Variants in CGNL1 observed in about 807,000 individuals in gnomAD.
The protein encoded by CGNL1 is cingulin-like protein 1.
A neutral mutation model predicts 141.2 loss-of-function variants in CGNL1; 132 were observed. That is an observed-to-expected ratio of 0.93 (90% confidence interval 0.81 to 1.08). CGNL1 has a LOEUF of 1.08. Among genes scored for constraint, CGNL1 ranks in the 50% least tolerant of loss-of-function variants. The pLI is 0.00. For missense variants in CGNL1, 1,870 were observed against 1,588.6 expected, an observed-to-expected ratio of 1.18 and a Z score of -3.01; for synonymous variants, 690 against 622.1, an observed-to-expected ratio of 1.11 and a Z score of -1.63.
At chr15:57,454,342 T>C (rs1827134787) in intron 7 of CGNL1, among the ~76,000 whole-genome samples, 1 of 152,112 alleles carries the variant, frequency 6.6e-6, no homozygotes, top group African/African-American at 2.4e-5. Flanking sequence ...AAAGGTACTG[T>C]GTTAATATTT....
At chr15:57,447,913 G>T (rs1858952282) in intron 4 of CGNL1, among the ~76,000 whole-genome samples, 1 of 150,974 alleles carries the variant, frequency 6.6e-6, no homozygotes, top group Admixed American at 6.6e-5. Context: ...CATTAGTCTT[G>T]TTTTCTGGCT....
At chr15:57,440,088 A>T (rs2152308650) in intron 2 of CGNL1, among the ~76,000 whole-genome samples, 1 of 149,126 alleles carries the variant, frequency 6.7e-6, no homozygotes, top group Admixed American at 6.9e-5. Flanking sequence ...ACAATAAAAA[A>T]TAATGATATT....
chr15:57,435,967 A>G (rs1331332950), intron 1 of CGNL1, among the ~76,000 whole-genome samples: 1 of 152,202 alleles, frequency 6.6e-6, no homozygotes. Context: ...ACCACAATAC[A>G]GGTAGAGATT....
chr15:57,416,128 C>T (rs537792402), intron 1 of CGNL1, among the ~76,000 whole-genome samples: 23 of 152,042 alleles, frequency 1.5e-4, no homozygotes, highest in African/African-American at 5.5e-4. Flanking sequence ...GGTACTTCCA[C>T]ATTGCTGATC....
chr15:57,431,237 A>C (rs1382903833), intron 1 of CGNL1, among the ~76,000 whole-genome samples: 1 of 152,218 alleles, frequency 6.6e-6, no homozygotes, highest in African/African-American at 2.4e-5. Context: ...ACCATCCTGA[A>C]CTGTGTGAAA....
chr15:57,470,588 G>C (rs2063570045), intron 8 of CGNL1, among the ~76,000 whole-genome samples: 1 of 152,140 alleles, frequency 6.6e-6, no homozygotes. Flanking sequence ...ACTTGCTGTG[G>C]GTTAGGCTGT....
At chr15:57,448,652 GA>G (rs879573303) in intron 4 of CGNL1, among the ~76,000 whole-genome samples, 9 of 143,412 alleles carry the variant, frequency 6.3e-5, no homozygotes, top group South Asian at 2.2e-4. Context: ...TGTCTCAAAA[GA>G]AAAAAAAAAC....
At chr15:57,408,848 T>A (rs1175575063) in intron 1 of CGNL1, among the ~76,000 whole-genome samples, 1 of 152,124 alleles carries the variant, frequency 6.6e-6, no homozygotes, top group Admixed American at 6.5e-5. Context: ...GAGACCAGCC[T>A]GGCCAACATG....
At chr15:57,393,918 A>G (rs2062570593) in intron 1 of CGNL1, 1 of 144,224 alleles carries the variant, frequency 6.9e-6, no homozygotes, top group Admixed American at 7.3e-5. Context: ...TAAGTACTTA[A>G]CATGTATTAA....
At chr15:57,472,412 T>TAG (rs1314127146) in intron 8 of CGNL1, among the ~76,000 whole-genome samples, 1 of 152,070 alleles carries the variant, frequency 6.6e-6, no homozygotes, top group Non-Finnish European at 1.5e-5. Flanking sequence ...GACAGATTTT[T>TAG]AGAGAGAGAG....
chr15:57,382,802 C>G (rs2062438298), intron 1 of CGNL1, among the ~76,000 whole-genome samples: 1 of 152,162 alleles, frequency 6.6e-6, no homozygotes, highest in Admixed American at 6.5e-5. Context: ...GTCCCATTTT[C>G]CAAGTGAGGA....
intron 8 of CGNL1, among the ~76,000 whole-genome samples, chr15:57,462,816 T>G (rs762977764): frequency 6.6e-6 from 1 of 152,236 alleles, no homozygotes; most frequent in Non-Finnish European, 1.5e-5. Flanking sequence ...ATAGACTGTT[T>G]GGGGTTATTA....
intron 8 of CGNL1, among the ~76,000 whole-genome samples, chr15:57,504,635 T>G (rs2064075316): frequency 6.6e-6 from 1 of 152,176 alleles, no homozygotes; most frequent in South Asian, 2.1e-4. Context: ...GTTGCTTTGT[T>G]CCTGAGTCCC....
At position 57,464,442 on chromosome 15, in the gene CGNL1, G is replaced by C. The variant is rs182944812; in HGVS notation, c.2403+2550G>C. Among the ~76,000 whole-genome samples, 6 of 152,276 alleles carry C rather than the reference G, an allele frequency of 3.9e-5. No individual in the cohort carries two copies. The East Asian group carries it at 1.2e-3, about 29-fold the overall frequency. ...CCCCATATGCAAGTCAAGAGCCTGT[G>C]CTCTTAGCCTCTTGAGCTCAGCATG... On this transcript the variant is annotated intron_variant, in intron 8 of 18. Transcript: ENST00000281282.
At chr15:57,490,416 G>T (rs112881394) in intron 8 of CGNL1, among the ~76,000 whole-genome samples, 38 of 151,824 alleles carry the variant, frequency 2.5e-4, no homozygotes, top group Non-Finnish European at 5.9e-5. Context: ...ACACACGCAC[G>T]CACGCGTGCG....
intron 8 of CGNL1, among the ~76,000 whole-genome samples, chr15:57,512,567 C>G (rs2030408296): frequency 3.9e-5 from 6 of 152,148 alleles, no homozygotes; most frequent in Admixed American, 3.9e-4. Flanking sequence ...CATACTCAGC[C>G]CATGCCACTG....
intron 10 of CGNL1, among the ~76,000 whole-genome samples, chr15:57,521,547 G>A (rs1164406261): frequency 6.6e-6 from 1 of 152,200 alleles, no homozygotes; most frequent in African/African-American, 2.4e-5. Context: ...CCTTTACGGA[G>A]CTTACTACCT....
chr15:57,462,461 A>T (rs1249970940), intron 8 of CGNL1, among the ~76,000 whole-genome samples: 1 of 152,234 alleles, frequency 6.6e-6, no homozygotes, highest in Non-Finnish European at 1.5e-5. Context: ...ATTCAAAATT[A>T]TGCTGAAGTC....
chr15:57,453,888 T>G, intron 7 of CGNL1, 70 bp downstream of exon 7: 1 of 1,581,928 alleles, frequency 6.3e-7, no homozygotes, highest in African/African-American at 1.3e-5. Context: ...TGGCTAGGGT[T>G]TGTGGACTGC....
Sources: gnomAD v4.1 joint callset for allele counts (sites outside exome capture counted in the v4.1 genomes callset) on GRCh38, gnomAD v4.1.1 for gene constraint, MANE v1.5 for transcripts, NCBI Gene and HGNC (gene_info 2026-07-23, HGNC 2026-07-21) for gene names.